The following TMEM200A variants were observed in gnomAD, a reference collection of about 807,000 sequenced individuals.
TMEM200A encodes transmembrane protein 200A.
Under a neutral mutation model 24.3 loss-of-function variants are expected in TMEM200A, and 12 were observed. That is an observed-to-expected ratio of 0.49 (90% CI 0.32 to 0.80). The LOEUF (loss-of-function observed/expected upper bound fraction) is 0.80. Ranked by LOEUF, TMEM200A falls within the 30% of genes least tolerant of loss-of-function variation. TMEM200A has a pLI of 0.04. For missense variants in TMEM200A, 545 were observed against 614.4 expected, an observed-to-expected ratio of 0.89 and a Z score of 1.19; for synonymous variants, 224 against 224.4, an observed-to-expected ratio of 1.00 and a Z score of 0.02.
intron 2 of TMEM200A, among the ~76,000 whole-genome samples, chr6:130,397,621 G>GT (rs148659888): frequency 5.3e-5 from 8 of 150,594 alleles, no homozygotes; most frequent in Admixed American, 6.6e-5. Context: ...TAAATTTGTG[G>GT]TTTTTTTTGA....
chr6:130,375,799 G>T (rs1002617137), intron 1 of TMEM200A, among the ~76,000 whole-genome samples: 1 of 152,112 alleles, frequency 6.6e-6, no homozygotes, highest in African/African-American at 2.4e-5. Flanking sequence ...TATTAAAAAT[G>T]AGTGTTGAGA....
At chr6:130,393,779 C>T (rs1029087802) in intron 2 of TMEM200A, among the ~76,000 whole-genome samples, 5 of 152,180 alleles carry the variant, frequency 3.3e-5, no homozygotes, top group Non-Finnish European at 7.4e-5. Context: ...TTAGTAACAT[C>T]ACTAACCATT....
At chr6:130,426,554 C>T (rs754188238) in intron 2 of TMEM200A, among the ~76,000 whole-genome samples, 1 of 150,150 alleles carries the variant, frequency 6.7e-6, no homozygotes, top group Admixed American at 6.7e-5. Context: ...ATTCTGAAGT[C>T]GCAGGATATT....
Position 130,376,357 on chromosome 6 carries a change from G to T in TMEM200A, c.-80-8816G>T, listed in dbSNP as rs573635107. On this transcript the variant is annotated intron_variant, in intron 1 of 2. Coordinates refer to ENST00000296978, the MANE Select transcript of TMEM200A (RefSeq NM_001258277.2). Reference sequence around the variant, plus strand: ...GTGATTTTGGCTCACTGCAACCTCTGCCTCCTGGGTTCAAGCGATTCTTAT... The same window carrying T: ...GTGATTTTGGCTCACTGCAACCTCTTCCTCCTGGGTTCAAGCGATTCTTAT... 4.6e-5 allele frequency among the ~76,000 whole-genome samples: 7 copies of T among 152,240 alleles called. No homozygotes were observed. The South Asian group carries it at 1.5e-3, about 32-fold the overall frequency.
intron 1 of TMEM200A, among the ~76,000 whole-genome samples, chr6:130,375,638 C>T (rs1441961252): frequency 6.6e-6 from 1 of 152,212 alleles, no homozygotes; most frequent in African/African-American, 2.4e-5. Flanking sequence ...GAAGACCTCT[C>T]TGCATTTGAG....
At chr6:130,415,701 T>C (rs1779434178) in intron 2 of TMEM200A, among the ~76,000 whole-genome samples, 1 of 152,152 alleles carries the variant, frequency 6.6e-6, no homozygotes, top group African/African-American at 2.4e-5. Context: ...CTGCTGCCAC[T>C]AGACAGTTAT....
At chr6:130,422,055 T>C (rs1779605037) in intron 2 of TMEM200A, among the ~76,000 whole-genome samples, 1 of 152,152 alleles carries the variant, frequency 6.6e-6, no homozygotes, top group South Asian at 2.1e-4. Flanking sequence ...CTGATTTTAT[T>C]TCTTCGGATA....
chr6:130,392,774 T>A (rs2115112897), intron 2 of TMEM200A, among the ~76,000 whole-genome samples: 1 of 152,248 alleles, frequency 6.6e-6, no homozygotes, highest in East Asian at 1.9e-4. Context: ...ATCACTGCTA[T>A]ACTTTGTGCC....
intron 2 of TMEM200A, among the ~76,000 whole-genome samples, chr6:130,401,176 C>T (rs888007631): frequency 6.6e-6 from 1 of 152,014 alleles, no homozygotes; most frequent in Non-Finnish European, 1.5e-5. Context: ...CCTCAGAGTG[C>T]CACCTCACTG....
chr6:130,437,511 T>C (rs764421292), intron 2 of TMEM200A: 4 of 152,174 alleles, frequency 2.6e-5, no homozygotes, highest in Non-Finnish European at 4.4e-5. Flanking sequence ...TTCTGTAGTA[T>C]TGAATTGCTT....
chr6:130,440,735 AT>A lies in TMEM200A; in HGVS notation c.315del (p.Arg106GlyfsTer20). On this transcript the variant is annotated frameshift_variant, in exon 3 of 3. Transcript: ENST00000296978. LOFTEE classifies it high-confidence loss of function. ...ACTGTCAACAAATGAAACTCAGGTC[AT>A]TCGGAATGAAGGCGGTGTGGTGGTT... Reference protein sequence around the residue: ...TTLSTNETQVIRNEGGVVVRF... With the variant: ...TTLSTNETQVXRNEGGVVVRF... 6.2e-7 allele frequency: 1 copy of A among 1,614,094 alleles called. No individual in the cohort carries two copies. Among genetic ancestry groups the A allele is most frequent in the African/African-American group, 1.3e-5 (1 of 75,062 alleles).
intron 2 of TMEM200A, chr6:130,421,281 A>G (rs1447877029): frequency 6.6e-6 from 1 of 152,162 alleles, no homozygotes; most frequent in East Asian, 1.9e-4. Flanking sequence ...TATTTTGGGC[A>G]GCATTACTCC....
At chr6:130,388,474 A>T (rs952120403) in intron 2 of TMEM200A, among the ~76,000 whole-genome samples, 1 of 152,220 alleles carries the variant, frequency 6.6e-6, no homozygotes, top group African/African-American at 2.4e-5. Flanking sequence ...CATTGCTTAG[A>T]TAAGTTCTGT....
chr6:130,403,590 T>C lies in TMEM200A; in HGVS notation c.-17+18354T>C, dbSNP rs149810187. Among the ~76,000 whole-genome samples, 249 of 152,206 alleles carry C rather than the reference T, an allele frequency of 1.6e-3. 1 individual carries two copies. The highest frequency in any genetic ancestry group is 5.8e-3 in the African/African-American group (239 of 41,538). On this transcript the variant is annotated intron_variant, in intron 2 of 2. Transcript: ENST00000296978. ...TACAGTGAAAAAAGCCTGGATCATC[T>C]ATAGTTTTTGAGTAAATCCTTCTTA...
chr6:130,425,969 A>C (rs1223370322), intron 2 of TMEM200A, among the ~76,000 whole-genome samples: 1 of 152,208 alleles, frequency 6.6e-6, no homozygotes, highest in African/African-American at 2.4e-5. Flanking sequence ...TTTAGAAAGC[A>C]TACACATATC....
chr6:130,386,241 C>A (rs1778709196), intron 2 of TMEM200A, among the ~76,000 whole-genome samples: 1 of 152,100 alleles, frequency 6.6e-6, no homozygotes, highest in African/African-American at 2.4e-5. Context: ...CACTGAAGCT[C>A]AGAGGAAGGG....
At chr6:130,415,410 T>A (rs964986841) in intron 2 of TMEM200A, among the ~76,000 whole-genome samples, 2 of 152,188 alleles carry the variant, frequency 1.3e-5, no homozygotes, top group African/African-American at 4.8e-5. Flanking sequence ...TCTCCTCACT[T>A]TCGTGTGCTT....
At chr6:130,390,225 T>A (rs899339254) in intron 2 of TMEM200A, among the ~76,000 whole-genome samples, 2 of 152,244 alleles carry the variant, frequency 1.3e-5, no homozygotes, top group Non-Finnish European at 2.9e-5. Flanking sequence ...GTTTAATTAA[T>A]CTTTGTGGTT....
intron 2 of TMEM200A, among the ~76,000 whole-genome samples, chr6:130,405,143 C>A (rs9492581): frequency 0.22 from 33,945 of 151,918 alleles, 4,848 homozygotes; most frequent in African/African-American, 0.4. Flanking sequence ...TATTGGAGCT[C>A]TTTTTGGTTC....
Sources: gnomAD v4.1 joint callset for allele counts (sites outside exome capture counted in the v4.1 genomes callset) on GRCh38, gnomAD v4.1.1 for gene constraint, MANE v1.5 for transcripts, NCBI Gene and HGNC (gene_info 2026-07-23, HGNC 2026-07-21) for gene names.